Variants in LRP8 observed in about 807,000 individuals in gnomAD.
LRP8 encodes the protein low-density lipoprotein receptor-related protein 8.
LRP8 carries 46 observed loss-of-function variants against 111.6 expected under a neutral mutation model. That is an observed-to-expected ratio of 0.41 (90% CI 0.33 to 0.53). LRP8 has a LOEUF of 0.53. Among genes scored for constraint, LRP8 ranks in the 20% least tolerant of loss-of-function variants. The pLI is 0.20. For missense variants in LRP8, 959 were observed against 1,297.4 expected (o/e 0.74, Z 4.01); for synonymous variants, 464 against 511.2 (o/e 0.91, Z 1.24).
chr1:53,291,742 T>G (rs1648808499), intron 2 of LRP8: 1 of 152,204 alleles, frequency 6.6e-6, no homozygotes, highest in South Asian at 2.1e-4. Context: ...ATCCTGCCAC[T>G]ATGGGGCAGA....
At chr1:53,280,741 G>A in intron 3 of LRP8, 26 bp from the exon 4 acceptor site, 1 of 1,607,900 alleles carries the variant, frequency 6.2e-7, no homozygotes, top group East Asian at 2.2e-5. Flanking sequence ...TCCATGCATA[G>A]CTTAGCCAAG....
At chr1:53,302,357 C>A (rs1424480220) in intron 2 of LRP8, among the ~76,000 whole-genome samples, 1 of 152,104 alleles carries the variant, frequency 6.6e-6, no homozygotes. Context: ...CAACCCCCAC[C>A]CAACAAGCAG....
intron 8 of LRP8, among the ~76,000 whole-genome samples, chr1:53,270,177 G>A (rs964525654): frequency 2.6e-5 from 4 of 152,176 alleles, no homozygotes; most frequent in African/African-American, 9.7e-5. Flanking sequence ...AGCTGGACAT[G>A]AGCAGAAGGG....
chr1:53,327,921 C>T lies in LRP8; in HGVS notation c.-9G>A, dbSNP rs893321638. 4 of 1,221,536 alleles carry T rather than the reference C, an allele frequency of 3.3e-6. No homozygotes were observed. The highest frequency in any genetic ancestry group is 1.6e-5 in the African/African-American group (1 of 63,020). The allele number at this position is 1,221,536 out of a possible 1,614,324, so 75.7% of individuals were successfully genotyped here. A position where few individuals can be genotyped will look rare whatever the true frequency, so the allele number is the denominator to read the frequency against. ...GGCTCGGGGAGGCCCATGGCGGGCC[C>T]GGGGCTCCGGCCGCCGCGCCCCGCG... On this transcript the variant is annotated 5_prime_UTR_variant, in exon 1 of 19. Transcript: ENST00000306052.
At chr1:53,319,068 A>T (rs1298069721) in intron 2 of LRP8, among the ~76,000 whole-genome samples, 1 of 152,238 alleles carries the variant, frequency 6.6e-6, no homozygotes, top group Non-Finnish European at 1.5e-5. Flanking sequence ...TAGCTCCAGA[A>T]CTACCAATAA....
intron 4 of LRP8, 121 bp from the exon 5 acceptor site, chr1:53,277,199 G>A: frequency 1.5e-6 from 2 of 1,308,796 alleles, no homozygotes; most frequent in Admixed American, 7.9e-5. Context: ...GCCCTTTGGG[G>A]GCTGAATGGT....
chr1:53,255,958 G>C (rs1186647878), intron 15 of LRP8, among the ~76,000 whole-genome samples: 1 of 152,210 alleles, frequency 6.6e-6, no homozygotes, highest in Non-Finnish European at 1.5e-5. Context: ...TTGTTGAATA[G>C]GGTCTAAATT....
Position 53,277,085 on chromosome 1 carries a change from G to A in LRP8, c.497-7C>T, listed in dbSNP as rs1032826511. 2.7e-6 allele frequency: 4 copies of A among 1,492,500 alleles called. No individual in the cohort carries two copies. Among genetic ancestry groups the A allele is most frequent in the African/African-American group, 2.9e-5 (2 of 69,592 alleles). 92.5% of individuals were successfully genotyped at this position (1,492,500 alleles called of 1,614,324 possible). On this transcript the variant is annotated splice_region_variant and splice_polypyrimidine_tract_variant and intron_variant, in intron 4 of 18. Transcript: ENST00000306052. ...AACTCGTGCGGGGCGCACACTGCGCGGGACAGAGAGCCGGTCGGCCCGCCG... is the reference window on the plus strand; with the variant it reads ...AACTCGTGCGGGGCGCACACTGCGCAGGACAGAGAGCCGGTCGGCCCGCCG...
At position 53,323,091 on chromosome 1, in the gene LRP8, T is replaced by C. The variant is rs545313423; in HGVS notation, c.244+3782A>G. 2.5e-3 allele frequency among the ~76,000 whole-genome samples: 381 copies of C among 152,010 alleles called. 3 individuals carry two copies. The highest frequency in any genetic ancestry group is 8.5e-3 in the African/African-American group (354 of 41,432). ...GAACTTCCTAGAGGAGGAAGCGAGG[T>C]GGAGTAGCCTTAAGATGTCATCTCA... is the stretch of plus-strand genomic sequence containing the variant. On this transcript the variant is annotated intron_variant, in intron 2 of 18. Coordinates refer to ENST00000306052, the MANE Select transcript of LRP8 (RefSeq NM_004631.5).
chr1:53,279,385 G>A lies in LRP8; in HGVS notation c.496+1202C>T, dbSNP rs760162293. Among the ~76,000 whole-genome samples, 5 of 152,056 alleles carry A rather than the reference G, an allele frequency of 3.3e-5. No homozygotes were observed. Among genetic ancestry groups the A allele is most frequent in the Non-Finnish European group, 7.4e-5 (5 of 68,008 alleles). ...AGAGACTCCCATCCCTTGCAGTAGCGGCCTTCATATTGGAGGAATCATCTG... is the reference window on the plus strand; with the variant it reads ...AGAGACTCCCATCCCTTGCAGTAGCAGCCTTCATATTGGAGGAATCATCTG... On this transcript the variant is annotated intron_variant, in intron 4 of 18. Coordinates refer to ENST00000306052, the MANE Select transcript of LRP8 (RefSeq NM_004631.5). The surrounding 1 kb of genome is among the most constrained non-coding windows in gnomAD (Gnocchi z 4.4).
intron 1 of LRP8, 107 bp downstream of exon 1, chr1:53,327,682 C>T (rs1349872559): frequency 2.3e-6 from 3 of 1,294,974 alleles, no homozygotes; most frequent in South Asian, 3.6e-5. Flanking sequence ...CGCCCGGGAG[C>T]CCCCGATAGC....
intron 6 of LRP8, among the ~76,000 whole-genome samples, chr1:53,273,414 G>C (rs1249024874): frequency 1.3e-5 from 2 of 152,196 alleles, no homozygotes; most frequent in Admixed American, 1.3e-4. Context: ...CATGAATGCA[G>C]TTCCCCTGCT....
At position 53,294,399 on chromosome 1, in the gene LRP8, G is replaced by A. The variant is rs188654468; in HGVS notation, c.245-4710C>T. On this transcript the variant is annotated intron_variant, in intron 2 of 18. Transcript: ENST00000306052. This position sits in a 1 kb window ranked among gnomAD's most constrained non-coding sequence, Gnocchi z 4.1. ...GAAATGCTATTTATAACAAGAACAC[G>A]GGCCAAGGAAAGTGCCAGACAGTCC... 8.5e-5 allele frequency among the ~76,000 whole-genome samples: 13 copies of A among 152,246 alleles called. No individual in the cohort carries two copies. The highest frequency in any genetic ancestry group is 1.9e-4 in the African/African-American group (8 of 41,558).
intron 5 of LRP8, among the ~76,000 whole-genome samples, chr1:53,276,357 C>A (rs1446114412): frequency 1.3e-5 from 2 of 150,948 alleles, no homozygotes; most frequent in Middle Eastern, 3.4e-3. Context: ...AATGAGCAGG[C>A]CTAGCGGGTA....
chr1:53,323,313 T>C (rs1654750142), intron 2 of LRP8, among the ~76,000 whole-genome samples: 1 of 152,126 alleles, frequency 6.6e-6, no homozygotes, highest in South Asian at 2.1e-4. Flanking sequence ...TTTTATAGAA[T>C]AGAGGAACGA....
Position 53,275,515 on chromosome 1 carries a change from G to T in LRP8, c.1006+116C>A. The stretch of plus-strand genomic sequence containing the variant: ...GATTTAGGGGCAAGTGATGCTCTGG[G>T]GGAAAATGCATCTTGGGGACCAAGG... On this transcript the variant is annotated intron_variant, in intron 6 of 18. Coordinates refer to ENST00000306052, the MANE Select transcript of LRP8 (RefSeq NM_004631.5). This position sits in a 1 kb window ranked among gnomAD's most constrained non-coding sequence, Gnocchi z 4.4. The T allele has an allele frequency of 7.2e-7, 1 of 1,387,196 alleles. No individual in the cohort carries two copies. 85.9% of individuals were successfully genotyped at this position (1,387,196 alleles called of 1,614,324 possible). A position where few individuals can be genotyped will look rare whatever the true frequency, so the allele number is the denominator to read the frequency against.
chr1:53,324,316 T>C (rs905160450), intron 2 of LRP8, among the ~76,000 whole-genome samples: 1 of 152,154 alleles, frequency 6.6e-6, no homozygotes, highest in African/African-American at 2.4e-5. Context: ...GAAAGAACAT[T>C]TTCCAGCACC....
chr1:53,273,821 G>A (rs1646833015), intron 6 of LRP8, among the ~76,000 whole-genome samples: 1 of 152,158 alleles, frequency 6.6e-6, no homozygotes, highest in Non-Finnish European at 1.5e-5. Context: ...GGAAGCTCAG[G>A]AGGATGAACC....
intron 9 of LRP8, 149 bp from the exon 10 acceptor site, chr1:53,264,545 T>TG: frequency 1.5e-6 from 1 of 684,730 alleles, no homozygotes; most frequent in Non-Finnish European, 2.5e-6. Flanking sequence ...ACACATTCCC[T>TG]GGGGTACCAG....
Sources: gnomAD v4.1 joint callset for allele counts (sites outside exome capture counted in the v4.1 genomes callset) on GRCh38, gnomAD v4.1.1 for gene constraint, Gnocchi (gnomAD v3.1) non-coding constraint, MANE v1.5 for transcripts, NCBI Gene and HGNC (gene_info 2026-07-23, HGNC 2026-07-21) for gene names.